TAFA2: variants seen among roughly 807,000 people sequenced by gnomAD.
TAFA2 encodes chemokine-like protein TAFA-2.
A neutral mutation model predicts 18.8 loss-of-function variants in TAFA2; 7 were observed. The observed-to-expected ratio is 0.37, with a 90% CI of 0.21 to 0.70. The LOEUF (loss-of-function observed/expected upper bound fraction) is 0.70, where lower values mean the gene tolerates loss of function less well. TAFA2 is among the 30% of genes least tolerant of loss of function. TAFA2 has a pLI of 0.53. For synonymous variants in TAFA2, 60 were observed against 54.2 expected (o/e 1.11, Z -0.47); for missense variants, 122 against 158.1 (o/e 0.77, Z 1.23).
intron 1 of TAFA2, among the ~76,000 whole-genome samples, chr12:62,004,520 G>A (rs1880482305): frequency 6.6e-6 from 1 of 152,128 alleles, no homozygotes; most frequent in African/African-American, 2.4e-5. Context: ...TGTAAAGTAG[G>A]AACAAGCATC....
At chr12:61,936,883 G>C (rs1395824905) in intron 1 of TAFA2, among the ~76,000 whole-genome samples, 1 of 152,058 alleles carries the variant, frequency 6.6e-6, no homozygotes, top group Non-Finnish European at 1.5e-5. Context: ...AACTATCACT[G>C]TTCACCAATG....
chr12:62,255,116 A>T lies in TAFA2; in HGVS notation c.-130+3647T>A, dbSNP rs555139086. ...CGGATCAAGTATATAACATTAACGT[A>T]TTTTAATTAAATTTGACATTTAAAA... On this transcript the variant is annotated intron_variant, in intron 1 of 5. Coordinates refer to the TAFA2 transcript ENST00000551619. 2.0e-5 allele frequency: 3 copies of T among 152,360 alleles called. No homozygotes were observed. In the South Asian group the frequency reaches 6.2e-4, roughly 32 times the overall value. The allele number at this position is 152,360 out of a possible 1,614,324, so 9.4% of individuals were successfully genotyped here.
chr12:61,850,321 T>C (rs2121158039), intron 2 of TAFA2, among the ~76,000 whole-genome samples: 1 of 152,056 alleles, frequency 6.6e-6, no homozygotes, highest in African/African-American at 2.4e-5. Flanking sequence ...TTACTTCCTT[T>C]AAGGGGATGA....
intron 2 of TAFA2, among the ~76,000 whole-genome samples, chr12:61,824,128 G>A (rs1030358019): frequency 1.3e-5 from 2 of 152,180 alleles, no homozygotes; most frequent in Non-Finnish European, 2.9e-5. Flanking sequence ...TACAGGAACT[G>A]ATAGTAACCT....
chr12:61,914,367 C>T (rs1876733406), intron 1 of TAFA2, among the ~76,000 whole-genome samples: 1 of 152,178 alleles, frequency 6.6e-6, no homozygotes, highest in African/African-American at 2.4e-5. Context: ...TGGGTTGCAC[C>T]TTCACCACAC....
At chr12:62,255,749 G>A (rs1368081190) in intron 1 of TAFA2, among the ~76,000 whole-genome samples, 1 of 151,986 alleles carries the variant, frequency 6.6e-6, no homozygotes, top group Non-Finnish European at 1.5e-5. Flanking sequence ...AGCTACTCAG[G>A]AGGCTGAGGC....
intron 2 of TAFA2, among the ~76,000 whole-genome samples, chr12:61,843,791 T>C (rs1396633267): frequency 6.6e-6 from 1 of 152,140 alleles, no homozygotes; most frequent in Non-Finnish European, 1.5e-5. Flanking sequence ...TTTGAACAAT[T>C]TGATCTCTCA....
chr12:61,917,574 C>T (rs1876878061), intron 1 of TAFA2, among the ~76,000 whole-genome samples: 1 of 152,124 alleles, frequency 6.6e-6, no homozygotes, highest in African/African-American at 2.4e-5. Context: ...TTAGCCTGTG[C>T]TCTCTCAACT....
intron 1 of TAFA2, among the ~76,000 whole-genome samples, chr12:61,925,264 C>A (rs878859447): frequency 6.6e-6 from 1 of 152,142 alleles, no homozygotes; most frequent in Non-Finnish European, 1.5e-5. Context: ...ACTCTCCACC[C>A]CAAATCAACA....
In TAFA2 at chr12:62,133,168, C is replaced by T. The variant is rs1376066180; in HGVS notation, c.-2+58091G>A. ...TCCCACAAAATTCCATGTGCATCTT[C>T]CATAATTTTCCATGCACACACATTC... On this transcript the variant is annotated intron_variant, in intron 1 of 4. Coordinates refer to ENST00000416284, the MANE Select transcript of TAFA2 (RefSeq NM_178539.5). Among the ~76,000 whole-genome samples, 4 of 151,990 alleles carry T rather than the reference C, an allele frequency of 2.6e-5. 1 individual carries two copies. The highest frequency in any genetic ancestry group is 4.1e-4 in the South Asian group (2 of 4,832).
At chr12:61,760,606 T>C (rs959501408) in intron 2 of TAFA2, among the ~76,000 whole-genome samples, 5 of 151,702 alleles carry the variant, frequency 3.3e-5, no homozygotes, top group African/African-American at 1.2e-4. Flanking sequence ...ACAAGCAATT[T>C]AAAAAGATAA....
intron 1 of TAFA2, among the ~76,000 whole-genome samples, chr12:62,060,680 C>T (rs919157214): frequency 2.0e-5 from 3 of 152,140 alleles, no homozygotes; most frequent in South Asian, 2.1e-4. Context: ...TAGCTTCATG[C>T]GGGTTACTGC....
upstream of TAFA2, among the ~76,000 whole-genome samples, chr12:62,195,631 T>C (rs937383126): frequency 2.0e-5 from 3 of 152,210 alleles, no homozygotes; most frequent in African/African-American, 4.8e-5. Flanking sequence ...CAATAAGCAG[T>C]AGTATTTTGA....
chr12:61,793,226 A>T (rs938705361), intron 2 of TAFA2, among the ~76,000 whole-genome samples: 3 of 151,648 alleles, frequency 2.0e-5, no homozygotes, highest in African/African-American at 7.2e-5. Flanking sequence ...TTATACCTAA[A>T]GTAAGGACAA....
intron 3 of TAFA2, among the ~76,000 whole-genome samples, chr12:61,754,237 C>T (rs367913078): frequency 3.3e-5 from 5 of 151,818 alleles, no homozygotes; most frequent in Admixed American, 2.0e-4. Context: ...TCAGAGTTAT[C>T]ATAATTTTTT....
intron 1 of TAFA2, among the ~76,000 whole-genome samples, chr12:61,891,113 T>C (rs993325051): frequency 6.6e-6 from 1 of 152,200 alleles, no homozygotes; most frequent in Non-Finnish European, 1.5e-5. Flanking sequence ...GTAATTTATG[T>C]TCCAGAAGGG....
intron 2 of TAFA2, among the ~76,000 whole-genome samples, chr12:61,844,770 T>C (rs980774397): frequency 1.3e-5 from 2 of 152,172 alleles, no homozygotes; most frequent in Non-Finnish European, 2.9e-5. Flanking sequence ...TATTAGTTTC[T>C]AGAAAATCAT....
chr12:62,145,371 G>A (rs9738423), intron 1 of TAFA2, among the ~76,000 whole-genome samples: 3,772 of 152,276 alleles, frequency 0.025, 151 homozygotes, highest in African/African-American at 0.085. Context: ...CAAGGAATCC[G>A]GGATGCGTGC....
intron 1 of TAFA2, among the ~76,000 whole-genome samples, chr12:62,103,389 A>G (rs1869294653): frequency 6.6e-6 from 1 of 152,206 alleles, no homozygotes; most frequent in South Asian, 2.1e-4. Context: ...ATCCAGTCCA[A>G]TATATGAAGG....
Sources: allele counts gnomAD v4.1 joint callset (sites outside exome capture counted in the v4.1 genomes callset), GRCh38; gene constraint gnomAD v4.1.1; transcripts MANE v1.5; gene names NCBI Gene and HGNC (gene_info 2026-07-23, HGNC 2026-07-21).